AATF: variants seen among roughly 807,000 people sequenced by gnomAD.
AATF encodes the protein apoptosis antagonizing transcription factor.
AATF carries 48 observed loss-of-function variants against 63.7 expected under a neutral mutation model. That is an observed-to-expected ratio of 0.75 (90% CI 0.60 to 0.96). AATF has a LOEUF of 0.96. AATF is among the 40% of genes least tolerant of loss of function. The pLI is 0.00. For missense variants in AATF, 639 were observed against 685.7 expected, an observed-to-expected ratio of 0.93 and a Z score of 0.76; for synonymous variants, 258 against 247.7, an observed-to-expected ratio of 1.04 and a Z score of -0.39.
chr17:37,022,696 C>T (rs1489820370), intron 10 of AATF, among the ~76,000 whole-genome samples: 1 of 152,130 alleles, frequency 6.6e-6, no homozygotes, highest in African/African-American at 2.4e-5. Flanking sequence ...GTTTCTTCAT[C>T]TGTAAAATGG....
intron 4 of AATF, among the ~76,000 whole-genome samples, chr17:36,960,115 G>C (rs759721421): frequency 1.3e-4 from 20 of 152,042 alleles, no homozygotes; most frequent in Non-Finnish European, 2.5e-4. Context: ...CCGGGTTTAA[G>C]TGATTCTCCT....
At chr17:37,013,646 T>G (rs943081871) in intron 8 of AATF, among the ~76,000 whole-genome samples, 6 of 152,158 alleles carry the variant, frequency 3.9e-5, no homozygotes, top group Non-Finnish European at 8.8e-5. Context: ...GCATGAGGGA[T>G]CTACCTCCAT....
At position 36,955,675 on chromosome 17, in the gene AATF, T is replaced by G. The variant is rs531373365; in HGVS notation, c.832+1768T>G. 6.6e-5 allele frequency among the ~76,000 whole-genome samples: 10 copies of G among 152,292 alleles called. No individual in the cohort carries two copies. The East Asian group carries it at 1.9e-3, about 29-fold the overall frequency. On this transcript the variant is annotated intron_variant, in intron 4 of 11. Coordinates refer to ENST00000619387, the MANE Select transcript of AATF (RefSeq NM_012138.4). ...TCATTATTCTTTTTGCTTGAGCCTT[T>G]TTCATTTTAAAAAATTCATATTTAA... is the stretch of plus-strand genomic sequence containing the variant.
At chr17:36,988,960 A>T (rs1384126661) in intron 6 of AATF, among the ~76,000 whole-genome samples, 1 of 152,228 alleles carries the variant, frequency 6.6e-6, no homozygotes, top group African/African-American at 2.4e-5. Context: ...GTAAGTGTTC[A>T]AGTGCTGAAA....
chr17:36,978,931 G>C (rs549537393), intron 4 of AATF, among the ~76,000 whole-genome samples: 2 of 151,994 alleles, frequency 1.3e-5, no homozygotes, highest in South Asian at 2.1e-4. Flanking sequence ...AAGGCTTATT[G>C]TTATTCTGAG....
At chr17:36,978,741 A>G (rs572321409) in intron 4 of AATF, among the ~76,000 whole-genome samples, 4 of 152,026 alleles carry the variant, frequency 2.6e-5, no homozygotes, top group Non-Finnish European at 4.4e-5. Context: ...AATGATAGCA[A>G]CTTATCCAAA....
Position 36,986,654 on chromosome 17 carries a change from A to G in AATF, c.870A>G (p.Val290=), listed in dbSNP as rs752035474. The change falls in exon 5 of 12, where the codon GTA becomes GTG. Residue 290 remains valine (V), a synonymous_variant. Transcript: ENST00000619387. ...TTAAAGCATTGTTGAGGTCATTGGT[A>G]GGTCTTCAGGAAGAGTTGCTTTTCC... ...KALKALLRSL[V]GLQEELLFQY... is the part of the protein sequence containing the mutation. 6.2e-7 allele frequency: 1 copy of G among 1,614,156 alleles called. No individual in the cohort carries two copies. The highest frequency in any genetic ancestry group is 8.5e-7 in the Non-Finnish European group (1 of 1,180,012).
chr17:36,954,047 CCTTGGCTTTCCAA>C, intron 4 of AATF, 140 bp downstream of exon 4: 1 of 817,706 alleles, frequency 1.2e-6, no homozygotes. Flanking sequence ...TCCCCATCCC[CCTTGGCTTTCCAA>C]GTTGCTTTTT....
chr17:36,966,069 A>G (rs908946401), intron 4 of AATF, among the ~76,000 whole-genome samples: 2 of 151,586 alleles, frequency 1.3e-5, no homozygotes, highest in Non-Finnish European at 2.9e-5. Context: ...TTCTTTAATA[A>G]TTTTCTTCCT....
intron 4 of AATF, among the ~76,000 whole-genome samples, chr17:36,964,943 C>T (rs2070979789): frequency 6.6e-6 from 1 of 152,114 alleles, no homozygotes. Flanking sequence ...TTCAGGCTCT[C>T]TTTTGTTATC....
chr17:36,965,312 C>A (rs929074941), intron 4 of AATF, among the ~76,000 whole-genome samples: 1 of 152,154 alleles, frequency 6.6e-6, no homozygotes, highest in Admixed American at 6.5e-5. Flanking sequence ...CGGCCACATT[C>A]TTTGCTCATG....
chr17:36,961,653 G>A (rs1427203864), intron 4 of AATF, among the ~76,000 whole-genome samples: 1 of 151,872 alleles, frequency 6.6e-6, no homozygotes, highest in African/African-American at 2.4e-5. Context: ...GTAGTTGCTG[G>A]GACAAAGGAC....
At chr17:37,012,985 G>T (rs1032143063) in intron 8 of AATF, among the ~76,000 whole-genome samples, 2 of 151,980 alleles carry the variant, frequency 1.3e-5, no homozygotes, top group African/African-American at 4.8e-5. Flanking sequence ...AATGACAAAA[G>T]AAAAAATTGG....
intron 11 of AATF, 196 bp from the exon 12 acceptor site, chr17:37,056,405 T>C: frequency 1.7e-6 from 1 of 590,486 alleles, no homozygotes; most frequent in Non-Finnish European, 3.0e-6. Context: ...CACTGGACCA[T>C]TTACATATTT....
chr17:37,030,719 C>T (rs1346510792), intron 10 of AATF, among the ~76,000 whole-genome samples: 1 of 152,080 alleles, frequency 6.6e-6, no homozygotes, highest in African/African-American at 2.4e-5. Flanking sequence ...ATGAAAGACC[C>T]CCTGGATCTA....
At chr17:36,955,532 C>T (rs2070892743) in intron 4 of AATF, among the ~76,000 whole-genome samples, 1 of 152,132 alleles carries the variant, frequency 6.6e-6, no homozygotes, top group Non-Finnish European at 1.5e-5. Flanking sequence ...GAGCACTTCT[C>T]TGCTATTTTT....
At chr17:37,052,081 C>T (rs1165029549) in intron 11 of AATF, among the ~76,000 whole-genome samples, 2 of 152,140 alleles carry the variant, frequency 1.3e-5, no homozygotes, top group African/African-American at 2.4e-5. Context: ...GCATTGTCTA[C>T]AGTGGACACT....
At chr17:36,958,623 A>G (rs756531941) in intron 4 of AATF, among the ~76,000 whole-genome samples, 10 of 152,212 alleles carry the variant, frequency 6.6e-5, no homozygotes, top group Non-Finnish European at 1.2e-4. Context: ...AAGTAGAGAA[A>G]TAGCACAGTG....
intron 9 of AATF, 87 bp from the exon 10 acceptor site, chr17:37,020,847 C>T: frequency 1.9e-6 from 2 of 1,070,994 alleles, no homozygotes; most frequent in Non-Finnish European, 2.7e-6. Context: ...TTTCTTTCTG[C>T]AGGGTTGTTA....
Sources: allele counts gnomAD v4.1 joint callset (sites outside exome capture counted in the v4.1 genomes callset), GRCh38; gene constraint gnomAD v4.1.1; transcripts MANE v1.5; gene names NCBI Gene and HGNC (gene_info 2026-07-23, HGNC 2026-07-21).